The following COL6A5 variants were observed in gnomAD, a reference collection of about 807,000 sequenced individuals.
COL6A5 encodes the protein collagen alpha-5(VI) chain.
In COL6A5, 48 loss-of-function variants were observed where a neutral mutation model predicts 65.6. The ratio of observed to expected loss-of-function variants is 0.73; its 90% CI spans 0.58 to 0.93. The LOEUF (loss-of-function observed/expected upper bound fraction) is 0.93, where lower values mean the gene tolerates loss of function less well. Ranked by LOEUF, COL6A5 falls within the 40% of genes least tolerant of loss-of-function variation. The pLI is 0.00. For missense variants in COL6A5, 914 were observed against 928.3 expected (o/e 0.98, Z 0.20); for synonymous variants, 291 against 322.8 (o/e 0.90, Z 1.05).
At chr3:130,389,169 TG>T in intron 6 of COL6A5, 35 bp downstream of exon 6, 1 of 1,307,238 alleles carries the variant, frequency 7.6e-7, no homozygotes, top group Non-Finnish European at 9.9e-7. Flanking sequence ...GACTAAAGGA[TG>T]TGAGCTGTTG....
intron 3 of COL6A5, among the ~76,000 whole-genome samples, chr3:130,441,553 G>A (rs1424134084): frequency 6.6e-6 from 1 of 150,670 alleles, no homozygotes; most frequent in Non-Finnish European, 1.5e-5. Context: ...TCATTGAACA[G>A]GATGTATCAG....
chr3:130,378,188 C>T (rs1295267447), intron 3 of COL6A5, among the ~76,000 whole-genome samples: 3 of 152,090 alleles, frequency 2.0e-5, no homozygotes, highest in Non-Finnish European at 2.9e-5. Flanking sequence ...GGCATCTCCT[C>T]TTCAATACTC....
chr3:130,419,297 T>A (rs1937456815), intron 25 of COL6A5, among the ~76,000 whole-genome samples: 1 of 152,164 alleles, frequency 6.6e-6, no homozygotes, highest in African/African-American at 2.4e-5. Context: ...GATAGAGGAA[T>A]AAGGCTAAGA....
intron 3 of COL6A5, 48 bp from the exon 36 acceptor site, chr3:130,443,428 C>A: frequency 1.5e-6 from 2 of 1,330,010 alleles, no homozygotes; most frequent in Non-Finnish European, 2.2e-6. Flanking sequence ...ACCTAGGAAA[C>A]ATCATTTCCA....
chr3:130,440,781 A>G, exon 3 of COL6A5: 2 of 1,613,012 alleles, frequency 1.2e-6, no homozygotes, highest in Non-Finnish European at 8.5e-7. Context: ...CCAGATCTGA[A>G]TTATATTGCG....
At chr3:130,469,147 T>C in exon 6 of COL6A5, 1 of 1,613,102 alleles carries the variant, frequency 6.2e-7, no homozygotes, top group Non-Finnish European at 8.5e-7. Context: ...AACAGCTCAA[T>C]GGAGATGTTT....
intron 6 of COL6A5, 125 bp from the exon 7 acceptor site, chr3:130,391,054 C>G (rs1021012009): frequency 2.0e-5 from 14 of 706,238 alleles, no homozygotes; most frequent in Non-Finnish European, 3.3e-5. Flanking sequence ...CCTCTAAGAA[C>G]TAAGTGAGAT....
rs754188267 is a variant in COL6A5 at position 130,470,941 on chromosome 3, G to T, written c.2304G>T (p.Glu768Asp). 2.5e-6 allele frequency: 4 copies of T among 1,612,304 alleles called. No homozygotes were observed. Among genetic ancestry groups the T allele is most frequent in the Non-Finnish European group, 3.4e-6 (4 of 1,179,004 alleles). The change falls in exon 7 of 8, where the codon GAG becomes GAT. Residue 768 changes from glutamate to aspartate, a missense_variant. Transcript: ENST00000512836. ...TTAACATGACCTCTCCCAACCCAGA[G>T]AACGGTGGCACAGAAAACACTGTAT...
chr3:130,431,784 G>A, exon 1 of COL6A5: 1 of 1,551,600 alleles, frequency 6.4e-7, no homozygotes. Flanking sequence ...ACGTGTTCAA[G>A]CGGACGTATG....
intron 1 of COL6A5, among the ~76,000 whole-genome samples, chr3:130,372,856 T>A (rs1935618842): frequency 6.6e-6 from 1 of 152,198 alleles, no homozygotes; most frequent in Non-Finnish European, 1.5e-5. Context: ...AATCAGCCCT[T>A]ACACCTTTGG....
At chr3:130,362,734 C>T (rs1935188999) in intron 1 of COL6A5, among the ~76,000 whole-genome samples, 1 of 152,154 alleles carries the variant, frequency 6.6e-6, no homozygotes, top group African/African-American at 2.4e-5. Context: ...GACATCTTGA[C>T]AGTACTGAGT....
At chr3:130,409,481 C>T in intron 18 of COL6A5, 93 bp downstream of exon 18, 1 of 1,108,584 alleles carries the variant, frequency 9.0e-7, no homozygotes, top group Middle Eastern at 2.0e-4. Flanking sequence ...ACCCTGTAGG[C>T]AAATGGTTGT....
Position 130,403,754 on chromosome 3 carries a change from TA to T in COL6A5, c.4281+99del, listed in dbSNP as rs530969248. ...AAACACACACTTATTTTCTTTTTCA[TA>T]AAAAAAGCTTATTTTCATACAAAAG... On this transcript the variant is annotated intron_variant and NMD_transcript_variant, in intron 13 of 41. Coordinates refer to the COL6A5 transcript ENST00000312481. The T allele has an allele frequency of 1.4e-3, 1,322 of 978,234 alleles. 3 individuals carry two copies. The highest frequency in any genetic ancestry group is 1.7e-3 in the Non-Finnish European group (1,203 of 709,184). The allele number at this position is 978,234 out of a possible 1,614,324, so 60.6% of individuals were successfully genotyped here. A position where few individuals can be genotyped will look rare whatever the true frequency, so the allele number is the denominator to read the frequency against.
chr3:130,410,823 G>A (rs888141561), intron 20 of COL6A5, among the ~76,000 whole-genome samples: 1 of 152,140 alleles, frequency 6.6e-6, no homozygotes, highest in African/African-American at 2.4e-5. Context: ...AGATGTCTGT[G>A]GTGGATGTAG....
At chr3:130,429,512 T>A, upstream of COL6A5, 1 of 1,454,538 alleles carries the variant, frequency 6.9e-7, no homozygotes, top group Non-Finnish European at 9.3e-7. Context: ...TGTTGTTTTT[T>A]GAACTATTTT....
chr3:130,384,886 C>T, exon 5 of COL6A5: 19 of 1,550,842 alleles, frequency 1.2e-5, no homozygotes, highest in Non-Finnish European at 1.6e-5. Flanking sequence ...TTGAGCAAAT[C>T]AAGAGATTTA....
intron 4 of COL6A5, among the ~76,000 whole-genome samples, chr3:130,444,407 T>G (rs910262918): frequency 1.3e-5 from 2 of 152,078 alleles, no homozygotes; most frequent in African/African-American, 4.8e-5. Context: ...TCACAATTTA[T>G]GTTTAGAGAT....
At chr3:130,436,057 A>G (rs1338085876) in intron 1 of COL6A5, among the ~76,000 whole-genome samples, 1 of 152,012 alleles carries the variant, frequency 6.6e-6, no homozygotes, top group East Asian at 1.9e-4. Flanking sequence ...AGCCCTACTG[A>G]TATTCTAGAA....
At chr3:130,380,165 G>C in intron 4 of COL6A5, 115 bp downstream of exon 4, 3 of 831,228 alleles carry the variant, frequency 3.6e-6, no homozygotes, top group South Asian at 4.6e-5. Context: ...GGAGTTGTGG[G>C]AATGTTCTAA....
Sources: allele counts gnomAD v4.1 joint callset (sites outside exome capture counted in the v4.1 genomes callset), GRCh38; gene constraint gnomAD v4.1.1; transcripts MANE v1.5; gene names NCBI Gene and HGNC (gene_info 2026-07-23, HGNC 2026-07-21).